Variants in TTLL11 observed in about 807,000 individuals in gnomAD.
TTLL11 encodes the protein tubulin tyrosine ligase like 11, also known as tubulin polyglutamylase TTLL11.
Under a neutral mutation model 51.7 loss-of-function variants are expected in TTLL11, and 42 were observed. That is an observed-to-expected ratio of 0.81 (90% CI 0.64 to 1.05). TTLL11 has a LOEUF of 1.05. Among genes scored for constraint, TTLL11 ranks in the 50% least tolerant of loss-of-function variants. The pLI, the probability that TTLL11 is intolerant of heterozygous loss-of-function variation, is 0.00. For synonymous variants in TTLL11, 381 were observed against 383.5 expected (o/e 0.99, Z 0.08); for missense variants, 799 against 940.4 (o/e 0.85, Z 1.97).
At chr9:122,034,759 C>G (rs896113903) in intron 2 of TTLL11, among the ~76,000 whole-genome samples, 1 of 152,148 alleles carries the variant, frequency 6.6e-6, no homozygotes, top group Non-Finnish European at 1.5e-5. Flanking sequence ...GGCACGCGTT[C>G]CCAGAGTAAA....
intron 3 of TTLL11, among the ~76,000 whole-genome samples, chr9:122,007,096 T>G (rs1843678095): frequency 6.6e-6 from 1 of 152,034 alleles, no homozygotes; most frequent in South Asian, 2.1e-4. Flanking sequence ...ATATTTCATT[T>G]CAGGATACTA....
intron 6 of TTLL11, among the ~76,000 whole-genome samples, chr9:121,941,729 T>A (rs957664392): frequency 4.6e-5 from 7 of 152,118 alleles, no homozygotes; most frequent in Admixed American, 4.6e-4. Context: ...GCCTTCTAGT[T>A]CTCCCTGACC....
chr9:122,041,152 G>C (rs1209657495), intron 1 of TTLL11, among the ~76,000 whole-genome samples: 4 of 152,008 alleles, frequency 2.6e-5, no homozygotes, highest in Non-Finnish European at 5.9e-5. Flanking sequence ...ATTCAGTTTT[G>C]AGAAACTACC....
intron 8 of TTLL11, among the ~76,000 whole-genome samples, chr9:121,845,148 C>A (rs961637438): frequency 6.6e-6 from 1 of 152,098 alleles, no homozygotes; most frequent in Admixed American, 6.5e-5. Flanking sequence ...CTTACCTATA[C>A]AGGTAAGGTA....
chr9:121,975,426 C>T (rs1258711601), intron 4 of TTLL11, among the ~76,000 whole-genome samples: 8 of 152,102 alleles, frequency 5.3e-5, no homozygotes, highest in African/African-American at 1.4e-4. Flanking sequence ...AAAACCACCA[C>T]ATCAGCTGGG....
intron 6 of TTLL11, among the ~76,000 whole-genome samples, chr9:121,895,515 GTATGACTGTGAC>G (rs1564292728): frequency 6.6e-6 from 1 of 151,130 alleles, no homozygotes; most frequent in African/African-American, 2.4e-5. Context: ...TTTTGTGTTT[GTATGACTGTGAC>G]TGTGACTGTG....
intron 3 of TTLL11, among the ~76,000 whole-genome samples, chr9:122,025,933 C>T (rs983674785): frequency 6.6e-6 from 1 of 152,122 alleles, no homozygotes; most frequent in African/African-American, 2.4e-5. Context: ...GTGGTATAAA[C>T]ATTCAATAGA....
chr9:121,923,764 G>C (rs1459308864), intron 6 of TTLL11, among the ~76,000 whole-genome samples: 1 of 152,132 alleles, frequency 6.6e-6, no homozygotes, highest in Non-Finnish European at 1.5e-5. Flanking sequence ...ACTCTCTTTC[G>C]CTCCCAGGAA....
intron 3 of TTLL11, among the ~76,000 whole-genome samples, chr9:122,028,243 C>T (rs1447761026): frequency 6.6e-6 from 1 of 152,040 alleles, no homozygotes; most frequent in Non-Finnish European, 1.5e-5. Flanking sequence ...GACTTGAATC[C>T]AACAGTTAGT....
intron 6 of TTLL11, among the ~76,000 whole-genome samples, chr9:121,915,391 A>C (rs1356688032): frequency 6.6e-6 from 1 of 152,206 alleles, no homozygotes; most frequent in Non-Finnish European, 1.5e-5. Flanking sequence ...TTACAAGAAC[A>C]TGTGCACATT....
intron 7 of TTLL11, among the ~76,000 whole-genome samples, chr9:121,864,968 A>G (rs1040537266): frequency 3.3e-5 from 5 of 151,828 alleles, no homozygotes; most frequent in African/African-American, 1.2e-4. Context: ...TTTCTTCTGG[A>G]GAGGATTCTA....
At position 121,822,447 on chromosome 9, in the gene TTLL11, G is replaced by T; in HGVS notation, c.*140C>A. Reference sequence around the variant, plus strand: ...CAGCCTGGTGAAGCACAGCTCAGCCGCACACAGAGACAGTTCGTGGGGACC... The same window carrying T: ...CAGCCTGGTGAAGCACAGCTCAGCCTCACACAGAGACAGTTCGTGGGGACC... On this transcript the variant is annotated 3_prime_UTR_variant, in exon 9 of 9. Transcript: ENST00000321582. This position sits in a 1 kb window ranked among gnomAD's most constrained non-coding sequence, Gnocchi z 5.8. 1.3e-6 allele frequency: 1 copy of T among 771,334 alleles called. No homozygotes were observed. Among genetic ancestry groups the T allele is most frequent in the Non-Finnish European group, 1.9e-6 (1 of 517,990 alleles). The allele number at this position is 771,334 out of a possible 1,614,324, so 47.8% of individuals were successfully genotyped here.
chr9:121,917,766 T>C (rs1455813058), intron 6 of TTLL11, among the ~76,000 whole-genome samples: 2 of 151,994 alleles, frequency 1.3e-5, no homozygotes, highest in Non-Finnish European at 2.9e-5. Flanking sequence ...AAATTGTGAG[T>C]ATAATCTCTA....
At chr9:122,069,160 T>A (rs955905938) in intron 1 of TTLL11, among the ~76,000 whole-genome samples, 3 of 151,530 alleles carry the variant, frequency 2.0e-5, no homozygotes, top group Non-Finnish European at 3.0e-5. Flanking sequence ...AAAACCCCTT[T>A]GTGTTCAACA....
chr9:121,999,071 T>A (rs1313495019), intron 3 of TTLL11, among the ~76,000 whole-genome samples: 2 of 152,210 alleles, frequency 1.3e-5, no homozygotes, highest in Admixed American at 1.3e-4. Context: ...ATCCCTCGAT[T>A]CTCTTGCCCA....
intron 6 of TTLL11, among the ~76,000 whole-genome samples, chr9:121,954,958 C>T (rs1018926355): frequency 1.3e-5 from 2 of 152,098 alleles, no homozygotes; most frequent in African/African-American, 2.4e-5. Flanking sequence ...GCAAGGGAAG[C>T]GTGGGGACTG....
intron 3 of TTLL11, among the ~76,000 whole-genome samples, chr9:122,008,682 A>G (rs1413067686): frequency 6.6e-6 from 1 of 152,252 alleles, no homozygotes; most frequent in Non-Finnish European, 1.5e-5. Flanking sequence ...CATGATCCAG[A>G]AATCCTACTG....
At chr9:121,889,659 TG>T (rs1839145281) in intron 6 of TTLL11, among the ~76,000 whole-genome samples, 1 of 152,202 alleles carries the variant, frequency 6.6e-6, no homozygotes, top group African/African-American at 2.4e-5. Context: ...CCCAGCACTT[TG>T]GGAGGCCGAG....
At chr9:121,910,424 A>G (rs1036963489) in intron 6 of TTLL11, among the ~76,000 whole-genome samples, 1 of 152,242 alleles carries the variant, frequency 6.6e-6, no homozygotes, top group African/African-American at 2.4e-5. Context: ...ACATTTGGCT[A>G]CTAGAGAAAA....
Sources: gnomAD v4.1 joint callset for allele counts (sites outside exome capture counted in the v4.1 genomes callset) on GRCh38, gnomAD v4.1.1 for gene constraint, Gnocchi (gnomAD v3.1) non-coding constraint, MANE v1.5 for transcripts, NCBI Gene and HGNC (gene_info 2026-07-23, HGNC 2026-07-21) for gene names.